The following OSTF1 variants were observed in gnomAD, a reference collection of about 807,000 sequenced individuals.
OSTF1 encodes the protein osteoclast stimulating factor 1.
Under a neutral mutation model 37.2 loss-of-function variants are expected in OSTF1, and 27 were observed. The observed-to-expected ratio is 0.73, with a 90% CI of 0.54 to 1.00. OSTF1 has a LOEUF of 1.00. Among genes scored for constraint, OSTF1 ranks in the 50% least tolerant of loss-of-function variants. The pLI is 0.00. For synonymous variants in OSTF1, 82 were observed against 89.2 expected (o/e 0.92, Z 0.46); for missense variants, 232 against 253.8 (o/e 0.91, Z 0.58).
chr9:75,145,130 T>G (rs544283440), intron 9 of OSTF1, among the ~76,000 whole-genome samples: 15 of 132,436 alleles, frequency 1.1e-4, no homozygotes, highest in Admixed American at 7.7e-4. Context: ...CAATCATGTA[T>G]CTGCCTGCCT....
intron 1 of OSTF1, among the ~76,000 whole-genome samples, chr9:75,103,867 TC>T (rs1825238235): frequency 6.6e-6 from 1 of 152,176 alleles, no homozygotes; most frequent in Non-Finnish European, 1.5e-5. Flanking sequence ...ACTCTTGGGC[TC>T]AAGCAATCCT....
rs1465270702 is a variant in OSTF1, at chr9:75,139,054, C to CTTTCTTTCTTTCTTTCTTTCTTTCTTTCT, written c.487+1441_487+1442insCTTTCTTTCTTTCTTTCTTTCTTTCTTTT. Among the ~76,000 whole-genome samples the CTTTCTTTCTTTCTTTCTTTCTTTCTTTCT allele has an allele frequency of 8.2e-5, 9 of 109,500 alleles. 1 individual carries two copies. The highest frequency in any genetic ancestry group is 1.2e-4 in the Non-Finnish European group (6 of 50,988). 71.8% of individuals were successfully genotyped at this position (109,500 alleles called of 152,430 possible). On this transcript the variant is annotated intron_variant, in intron 8 of 9. Transcript: ENST00000346234. ...TCTTTCTTTCTTTCTTTCTTTCTTTCTTTTTTTTTTGAAACTGGGTCTCTA... is the reference window on the plus strand; with the variant it reads ...TCTTTCTTTCTTTCTTTCTTTCTTTCTTTCTTTCTTTCTTTCTTTCTTTCTTTCTTTTTTTTTTTGAAACTGGGTCTCTA...
rs10701570 is a variant in OSTF1 at position 75,145,177 on chromosome 9, A to ATCTATCTATCATCTATCTAATCT, written c.587-1506_587-1505insTCTATCTATCATCTATCTAATCT. Among the ~76,000 whole-genome samples, 147 of 149,062 alleles carry ATCTATCTATCATCTATCTAATCT rather than the reference A, an allele frequency of 9.9e-4. 1 individual carries two copies. Among genetic ancestry groups the ATCTATCTATCATCTATCTAATCT allele is most frequent in the African/African-American group, 2.7e-3 (110 of 40,978 alleles). On this transcript the variant is annotated intron_variant, in intron 9 of 9. Transcript: ENST00000346234. ...TATCTATCTACCTATCTATCTATCT[A>ATCTATCTATCATCTATCTAATCT]ATCTATCTATCGGTTTGATCTAATT... is the stretch of plus-strand genomic sequence containing the variant.
intron 1 of OSTF1, among the ~76,000 whole-genome samples, chr9:75,092,469 C>T (rs369474318): frequency 4.6e-5 from 7 of 152,108 alleles, no homozygotes; most frequent in South Asian, 2.1e-4. Flanking sequence ...ATGGGGAAGA[C>T]GTATGTATCT....
intron 8 of OSTF1, among the ~76,000 whole-genome samples, chr9:75,137,859 T>G (rs1412498303): frequency 6.6e-6 from 1 of 152,196 alleles, no homozygotes; most frequent in Non-Finnish European, 1.5e-5. Context: ...TTACTTTTAG[T>G]AAGAACTGTA....
rs1032182748 is a variant in OSTF1 at position 75,114,232 on chromosome 9, A to G, written c.35-3272A>G. On this transcript the variant is annotated intron_variant, in intron 1 of 9. Transcript: ENST00000346234. ...TGATGGACACTTAGGTTGATCTCCT[A>G]TGTTGGCTATTGTGAATAATGTGCA... 2.6e-5 allele frequency among the ~76,000 whole-genome samples: 4 copies of G among 152,128 alleles called. No individual in the cohort carries two copies. The East Asian group carries it at 7.7e-4, about 29-fold the overall frequency.
At chr9:75,134,543 A>G in intron 7 of OSTF1, 148 bp downstream of exon 7, 1 of 547,024 alleles carries the variant, frequency 1.8e-6, no homozygotes, top group Non-Finnish European at 3.3e-6. Flanking sequence ...CAAATTATCC[A>G]CAGCCCCAAG....
chr9:75,113,700 A>G (rs759144171), intron 1 of OSTF1, among the ~76,000 whole-genome samples: 2 of 152,134 alleles, frequency 1.3e-5, no homozygotes, highest in Non-Finnish European at 2.9e-5. Flanking sequence ...TAAAAATTGT[A>G]TACATTATGG....
At chr9:75,105,737 G>A (rs1587444521) in intron 1 of OSTF1, among the ~76,000 whole-genome samples, 1 of 152,200 alleles carries the variant, frequency 6.6e-6, no homozygotes, top group East Asian at 1.9e-4. Flanking sequence ...GAGATGAAGG[G>A]TTTTTAGGAA....
In OSTF1 at chr9:75,128,002, C is replaced by T. The variant is rs1158067117; in HGVS notation, c.132+383C>T. On this transcript the variant is annotated intron_variant, in intron 3 of 9. Transcript: ENST00000346234. ...CATACATGCAGACACTTGTTTTTCT[C>T]AATTTCAGATAAAAAGTTGAAAGAT... Among the ~76,000 whole-genome samples the T allele has an allele frequency of 2.0e-5, 3 of 151,722 alleles. No homozygotes were observed. In the East Asian group the frequency reaches 5.8e-4, roughly 29 times the overall value.
At chr9:75,130,268 C>CA (rs1413746245) in intron 3 of OSTF1, among the ~76,000 whole-genome samples, 1 of 152,114 alleles carries the variant, frequency 6.6e-6, no homozygotes, top group Non-Finnish European at 1.5e-5. Context: ...AAACTGTGGA[C>CA]AAAAAATCAT....
At position 75,088,745 on chromosome 9, in the gene OSTF1, G is replaced by A. The variant is rs1410274294; in HGVS notation, c.34+19G>A. On this transcript the variant is annotated intron_variant, in intron 1 of 9. Coordinates refer to ENST00000346234, the MANE Select transcript of OSTF1 (RefSeq NM_012383.5). ...AAACCAGGTGAGGGAGGTAAGGTAG[G>A]CGCTTGCCAGGTCCTGCGACCGCCG... is the stretch of plus-strand genomic sequence containing the variant. 1.2e-6 allele frequency: 2 copies of A among 1,601,002 alleles called. No homozygotes were observed. Among genetic ancestry groups the A allele is most frequent in the Admixed American group, 1.7e-5 (1 of 58,664 alleles).
intron 1 of OSTF1, among the ~76,000 whole-genome samples, chr9:75,107,000 AAGC>A: frequency 6.6e-6 from 1 of 151,818 alleles, no homozygotes. Context: ...AAAAAAAAAA[AAGC>A]AGTGGGCTTT....
chr9:75,132,158 T>C lies in OSTF1; in HGVS notation c.250+335T>C, dbSNP rs553636183. On this transcript the variant is annotated intron_variant, in intron 5 of 9. Coordinates refer to ENST00000346234, the MANE Select transcript of OSTF1 (RefSeq NM_012383.5). Reference sequence around the variant, plus strand: ...AGAGATGTAACAGATCATTAAAATATGGTATGATAAGTACAGCAATTGAAA... The same window carrying C: ...AGAGATGTAACAGATCATTAAAATACGGTATGATAAGTACAGCAATTGAAA... 3.9e-5 allele frequency among the ~76,000 whole-genome samples: 6 copies of C among 152,248 alleles called. No homozygotes were observed. In the South Asian group the frequency reaches 1.0e-3, roughly 26 times the overall value.
intron 1 of OSTF1, among the ~76,000 whole-genome samples, chr9:75,112,968 C>T (rs3780180): frequency 0.25 from 38,721 of 151,954 alleles, 5,879 homozygotes; most frequent in East Asian, 0.42. Context: ...CTGTATTTCT[C>T]CTGGCAGCTC....
At chr9:75,095,926 C>T (rs1292248639) in intron 1 of OSTF1, among the ~76,000 whole-genome samples, 2 of 151,000 alleles carry the variant, frequency 1.3e-5, no homozygotes, top group African/African-American at 4.9e-5. Context: ...GAGTCTTGCT[C>T]TGTCGCCCAG....
At chr9:75,107,617 T>C (rs145089192) in intron 1 of OSTF1, among the ~76,000 whole-genome samples, 4 of 152,382 alleles carry the variant, frequency 2.6e-5, no homozygotes, top group Admixed American at 2.6e-4. Flanking sequence ...TTTTATCAGA[T>C]AGTCTGGAGC....
intron 1 of OSTF1, among the ~76,000 whole-genome samples, chr9:75,097,997 GC>G (rs1253825667): frequency 1.3e-5 from 2 of 151,900 alleles, no homozygotes; most frequent in Non-Finnish European, 2.9e-5. Flanking sequence ...AGTTAGGACT[GC>G]AGTTGTGCAT....
At chr9:75,137,488 C>A (rs1359281160) in intron 7 of OSTF1, 50 bp from the exon 8 acceptor site, 3 of 1,226,728 alleles carry the variant, frequency 2.4e-6, no homozygotes, top group Non-Finnish European at 3.6e-6. Flanking sequence ...CATGTACTTT[C>A]AATCCACCCT....
Sources: allele counts gnomAD v4.1 joint callset (sites outside exome capture counted in the v4.1 genomes callset), GRCh38; gene constraint gnomAD v4.1.1; transcripts MANE v1.5; gene names NCBI Gene and HGNC (gene_info 2026-07-23, HGNC 2026-07-21).